The following DRC3 variants were observed in gnomAD, a reference collection of about 807,000 sequenced individuals.
DRC3 encodes the protein dynein regulatory complex subunit 3.
Under a neutral mutation model 57.6 loss-of-function variants are expected in DRC3, and 45 were observed. The observed-to-expected ratio is 0.78, with a 90% confidence interval of 0.62 to 1.00. The LOEUF (loss-of-function observed/expected upper bound fraction) is 1.00. Among genes scored for constraint, DRC3 ranks in the 50% least tolerant of loss-of-function variants. The pLI, the probability that DRC3 is intolerant of heterozygous loss-of-function variation, is 0.00. For missense variants in DRC3, 655 were observed against 675.2 expected (o/e 0.97, Z 0.33); for synonymous variants, 257 against 272.3 (o/e 0.94, Z 0.55).
chr17:18,011,932 C>T (rs2044183257), intron 12 of DRC3: 1 of 152,608 alleles, frequency 6.6e-6, no homozygotes. Flanking sequence ...ACATGATCCT[C>T]CTACCTCAGC....
intron 12 of DRC3, among the ~76,000 whole-genome samples, chr17:18,013,899 A>G (rs1242360334): frequency 1.3e-5 from 2 of 151,344 alleles, no homozygotes; most frequent in African/African-American, 4.9e-5. Context: ...CCCCATCAAT[A>G]TGTACAGTTA....
chr17:18,013,929 C>G (rs1206105407), intron 12 of DRC3, among the ~76,000 whole-genome samples: 1 of 125,158 alleles, frequency 8.0e-6, no homozygotes, highest in African/African-American at 3.5e-5. Flanking sequence ...TTTTTTAATG[C>G]CAATTTTTTT....
chr17:17,980,051 G>A (rs556053530), intron 3 of DRC3, among the ~76,000 whole-genome samples: 3 of 151,628 alleles, frequency 2.0e-5, no homozygotes, highest in Non-Finnish European at 4.4e-5. Context: ...GAGAGGTGCA[G>A]GGCAGCAATC....
chr17:18,016,759 G>T lies in DRC3; in HGVS notation c.*88G>T. 2.7e-6 allele frequency: 2 copies of T among 745,474 alleles called. No homozygotes were observed. Among genetic ancestry groups the T allele is most frequent in the Non-Finnish European group, 4.4e-6 (2 of 449,620 alleles). 46.2% of individuals were successfully genotyped at this position (745,474 alleles called of 1,614,324 possible). ...TGCACACGCCTCACCCGCACCTCTA[G>T]AGAGTTGCTGGGCATCTCTCAACCG... On this transcript the variant is annotated 3_prime_UTR_variant, in exon 14 of 14. Transcript: ENST00000399187.
chr17:18,000,028 ATG>A (rs146898487), intron 9 of DRC3, among the ~76,000 whole-genome samples: 2 of 117,224 alleles, frequency 1.7e-5, no homozygotes, highest in East Asian at 2.7e-4. Context: ...TTGCTTTCCT[ATG>A]TGTGTGTGCG....
Position 18,007,879 on chromosome 17 carries a change from C to T in DRC3, c.1326+732C>T, listed in dbSNP as rs1007698479. On this transcript the variant is annotated intron_variant, in intron 12 of 13. Transcript: ENST00000399187. ...TCGCGACATCACCACCAAGGCAAGCCACCATCGTCCTTGGCCTGGACTGCT... is the reference window on the plus strand; with the variant it reads ...TCGCGACATCACCACCAAGGCAAGCTACCATCGTCCTTGGCCTGGACTGCT... 4.0e-6 allele frequency: 4 copies of T among 1,004,060 alleles called. No homozygotes were observed. In the African/African-American group the frequency reaches 6.9e-5, roughly 17 times the overall value. 62.2% of individuals were successfully genotyped at this position (1,004,060 alleles called of 1,614,324 possible).
rs1275881571 is a variant in DRC3, at chr17:17,980,177, C to T, written c.160+2419C>T. Among the ~76,000 whole-genome samples, 9 of 152,002 alleles carry T rather than the reference C, an allele frequency of 5.9e-5. No individual in the cohort carries two copies. The East Asian group carries it at 1.7e-3, about 29-fold the overall frequency. ...GGGGTTCCCCACTTTCCCACTGGGA[C>T]TTTCACAACCTCACAGGCAGGCTCT... On this transcript the variant is annotated intron_variant, in intron 3 of 13. Coordinates refer to ENST00000399187, the MANE Select transcript of DRC3 (RefSeq NM_031294.4).
rs2042704715 is a variant in DRC3 at position 17,981,810 on chromosome 17, C to T, written c.161-2018C>T. 2.6e-5 allele frequency among the ~76,000 whole-genome samples: 4 copies of T among 152,236 alleles called. No individual in the cohort carries two copies. The South Asian group carries it at 8.3e-4, about 32-fold the overall frequency. On this transcript the variant is annotated intron_variant, in intron 3 of 13. Coordinates refer to ENST00000399187, the MANE Select transcript of DRC3 (RefSeq NM_031294.4). The stretch of plus-strand genomic sequence containing the variant: ...CTCCTGGGTTCAAGTGATTCTGCTG[C>T]CTCAGCCTCCTGAGTAGCTGGGACT...
rs2043046863 is a variant in DRC3 at position 17,988,106 on chromosome 17, G to A, written c.444+8G>A. ...ATTGACAACATGATGAACGTGAGTG[G>A]CCGCCCAGCCCGCCCTCACGCACAC... On this transcript the variant is annotated splice_region_variant and intron_variant, in intron 5 of 13. Coordinates refer to ENST00000399187, the MANE Select transcript of DRC3 (RefSeq NM_031294.4). 6.2e-7 allele frequency: 1 copy of A among 1,612,366 alleles called. No homozygotes were observed. Among genetic ancestry groups the A allele is most frequent in the Non-Finnish European group, 8.5e-7 (1 of 1,179,312 alleles).
chr17:17,977,799 C>A (rs777586686), intron 3 of DRC3, 41 bp downstream of exon 3: 1 of 1,526,670 alleles, frequency 6.6e-7, no homozygotes, highest in Admixed American at 2.1e-5. Context: ...AGGGTGGGCC[C>A]TCCCTGGCTT....
At chr17:17,974,370 C>T (rs1020262783) in intron 2 of DRC3, among the ~76,000 whole-genome samples, 2 of 152,136 alleles carry the variant, frequency 1.3e-5, no homozygotes, top group African/African-American at 4.8e-5. Flanking sequence ...CATTGCTTCC[C>T]TTATTTTTTT....
chr17:17,998,506 A>G (rs886967455), intron 9 of DRC3, among the ~76,000 whole-genome samples: 2 of 152,176 alleles, frequency 1.3e-5, no homozygotes, highest in Admixed American at 1.3e-4. Context: ...TTTTTCCTCA[A>G]AAAACTGTTC....
At chr17:17,985,913 C>T (rs2145265956) in intron 4 of DRC3, among the ~76,000 whole-genome samples, 1 of 152,226 alleles carries the variant, frequency 6.6e-6, no homozygotes, top group Middle Eastern at 3.4e-3. Flanking sequence ...CTCTGTGAAC[C>T]TCAGTTTCTT....
At chr17:17,976,631 G>A (rs551882589) in intron 2 of DRC3, among the ~76,000 whole-genome samples, 121 of 152,256 alleles carry the variant, frequency 7.9e-4, no homozygotes, top group African/African-American at 2.6e-3. Flanking sequence ...CTGAGACCGC[G>A]CCATTGTGCC....
intron 12 of DRC3, 76 bp from the exon 13 acceptor site, chr17:18,015,988 C>T (rs2044346938): frequency 2.0e-6 from 3 of 1,536,038 alleles, no homozygotes; most frequent in Non-Finnish European, 2.7e-6. Flanking sequence ...TCCAAATGCT[C>T]CTTCTCTGTT....
rs371018182 is a variant in DRC3 at position 17,983,673 on chromosome 17, C to T, written c.161-155C>T. Among the ~76,000 whole-genome samples, 14 of 152,312 alleles carry T rather than the reference C, an allele frequency of 9.2e-5. 1 individual carries two copies. In the East Asian group the frequency reaches 1.5e-3, roughly 17 times the overall value. ...CACCTCATAGGGACACAATGTTCCT[C>T]GATGCTCAGCCGACATCTCCAGGGT... On this transcript the variant is annotated intron_variant, in intron 3 of 13. Coordinates refer to ENST00000399187, the MANE Select transcript of DRC3 (RefSeq NM_031294.4).
chr17:17,999,800 A>G (rs2043615147), intron 9 of DRC3, among the ~76,000 whole-genome samples: 1 of 152,242 alleles, frequency 6.6e-6, no homozygotes, highest in African/African-American at 2.4e-5. Context: ...GCCCAAAAGG[A>G]TGACAGCATG....
chr17:17,987,908 C>T (rs769703532), intron 4 of DRC3, 24 bp from the exon 5 acceptor site: 2 of 1,611,072 alleles, frequency 1.2e-6, no homozygotes, highest in Non-Finnish European at 1.7e-6. Flanking sequence ...GCAGCAGACC[C>T]TCACAGCCCT....
chr17:17,976,683 A>T (rs1425447658), intron 2 of DRC3, among the ~76,000 whole-genome samples: 1 of 152,170 alleles, frequency 6.6e-6, no homozygotes, highest in Non-Finnish European at 1.5e-5. Flanking sequence ...CAAAAAAAAT[A>T]AATTAATTAA....
Sources: gnomAD v4.1 joint callset for allele counts (sites outside exome capture counted in the v4.1 genomes callset) on GRCh38, gnomAD v4.1.1 for gene constraint, MANE v1.5 for transcripts, NCBI Gene and HGNC (gene_info 2026-07-23, HGNC 2026-07-21) for gene names.